ABCD3: variants seen among roughly 807,000 people sequenced by gnomAD.
The protein encoded by ABCD3 is ATP binding cassette subfamily D member 3.
A neutral mutation model predicts 105.5 loss-of-function variants in ABCD3; 41 were observed. The ratio of observed to expected loss-of-function variants is 0.39; its 90% CI spans 0.30 to 0.50. ABCD3 has a LOEUF of 0.50. ABCD3 is among the 20% of genes least tolerant of loss of function. The pLI is 0.84. For synonymous variants in ABCD3, 258 were observed against 269.0 expected (o/e 0.96, Z 0.40); for missense variants, 622 against 806.3 (o/e 0.77, Z 2.77).
intron 5 of ABCD3, among the ~76,000 whole-genome samples, chr1:94,474,777 G>A (rs547784237): frequency 6.6e-6 from 1 of 151,320 alleles, no homozygotes; most frequent in South Asian, 2.1e-4. Context: ...CCGTTGTCTA[G>A]GGTTGTAGTG....
At chr1:94,483,125 C>T in intron 9 of ABCD3, 45 bp from the exon 10 acceptor site, 2 of 1,229,352 alleles carry the variant, frequency 1.6e-6, no homozygotes, top group Non-Finnish European at 2.4e-6. Context: ...ATTTTCCAAG[C>T]ATAGGTAACA....
intron 20 of ABCD3, among the ~76,000 whole-genome samples, chr1:94,499,888 CTG>C (rs1251446004): frequency 6.6e-6 from 1 of 152,152 alleles, no homozygotes; most frequent in Non-Finnish European, 1.5e-5. Flanking sequence ...CAGAGAAACT[CTG>C]TAGCTCATTA....
chr1:94,512,501 A>G (rs1056461252), intron 21 of ABCD3, among the ~76,000 whole-genome samples: 6 of 152,030 alleles, frequency 3.9e-5, no homozygotes, highest in African/African-American at 1.4e-4. Context: ...AATCTATTTC[A>G]CTTTACCTCA....
intron 16 of ABCD3, among the ~76,000 whole-genome samples, chr1:94,492,582 C>T (rs978223047): frequency 6.6e-6 from 1 of 152,122 alleles, no homozygotes; most frequent in African/African-American, 2.4e-5. Context: ...TCTCACATAG[C>T]TCCAGGTACT....
At chr1:94,476,588 CAAAAG>C (rs958852900) in intron 7 of ABCD3, among the ~76,000 whole-genome samples, 15 of 151,982 alleles carry the variant, frequency 9.9e-5, no homozygotes, top group Non-Finnish European at 1.9e-4. Flanking sequence ...AGTTTTGAGA[CAAAAG>C]AAAACCAAAA....
In ABCD3 at chr1:94,517,436, G is replaced by A. The variant is rs942457121; in HGVS notation, c.*307G>A. On this transcript the variant is annotated 3_prime_UTR_variant, in exon 23 of 23. Transcript: ENST00000370214. The stretch of plus-strand genomic sequence containing the variant: ...ACTGTAACCTGATTCATCCTGGGAT[G>A]TAAACCATTCGAAGTCAGCTAATTG... 1 of 316,350 alleles carries A rather than the reference G, an allele frequency of 3.2e-6. No individual in the cohort carries two copies. The allele number at this position is 316,350 out of a possible 1,614,324, so 19.6% of individuals were successfully genotyped here. A position where few individuals can be genotyped will look rare whatever the true frequency, so the allele number is the denominator to read the frequency against.
chr1:94,425,303 C>T (rs1182492264), intron 1 of ABCD3, among the ~76,000 whole-genome samples: 6 of 152,064 alleles, frequency 3.9e-5, no homozygotes, highest in Non-Finnish European at 5.9e-5. Flanking sequence ...ACAGTTATAA[C>T]GTACATGTTT....
Position 94,467,948 on chromosome 1 carries a change from G to T in ABCD3, c.276G>T (p.Met92Ile), listed in dbSNP as rs905583862. The change falls in exon 4 of 23, where the codon ATG (methionine) becomes ATT (isoleucine). Residue 92 changes from methionine to isoleucine, a missense_variant. Met to Ile is a conservative substitution (Grantham distance 10). Transcript: ENST00000370214. ...GTTACTTGGTACTTATTGCTGTTATGCTGGTGTCTCGAACATATTGTGATG... is the reference window on the plus strand; with the variant it reads ...GTTACTTGGTACTTATTGCTGTTATTCTGGTGTCTCGAACATATTGTGATG... ...ETGYLVLIAV[M>I]LVSRTYCDVW... 6.2e-7 allele frequency: 1 copy of T among 1,613,258 alleles called. No individual in the cohort carries two copies. Among genetic ancestry groups the T allele is most frequent in the African/African-American group, 1.3e-5 (1 of 74,874 alleles).
At chr1:94,395,216 C>G in the ABCD3 span, among the ~76,000 whole-genome samples, 4 of 152,162 alleles carry the variant, frequency 2.6e-5, no homozygotes, top group African/African-American at 9.6e-5. Flanking sequence ...TAGAGCCATC[C>G]TACTCCCTTT....
At chr1:94,478,446 C>T in intron 8 of ABCD3, 131 bp downstream of exon 8, 1 of 1,205,254 alleles carries the variant, frequency 8.3e-7, no homozygotes, top group South Asian at 1.3e-5. Flanking sequence ...ATTTACCTAA[C>T]AAAGTCTGGT....
At chr1:94,390,853 GATTAT>G in the ABCD3 span, among the ~76,000 whole-genome samples, 3 of 152,148 alleles carry the variant, frequency 2.0e-5, no homozygotes. Context: ...CCCCTAAACC[GATTAT>G]GAGACATACT....
intron 20 of ABCD3, among the ~76,000 whole-genome samples, chr1:94,503,537 G>C (rs1221478191): frequency 6.6e-6 from 1 of 151,954 alleles, no homozygotes. Flanking sequence ...ACCTCTTCTA[G>C]TCCTTCTCTT....
At chr1:94,418,638 C>T in intron 1 of ABCD3, 50 bp downstream of exon 1, 2 of 1,530,688 alleles carry the variant, frequency 1.3e-6, no homozygotes, top group Non-Finnish European at 1.8e-6. Flanking sequence ...GCGGGCGCTC[C>T]CCGCGCGCTC....
At chr1:94,445,333 G>A (rs181075643) in intron 1 of ABCD3, among the ~76,000 whole-genome samples, 3 of 152,270 alleles carry the variant, frequency 2.0e-5, no homozygotes, top group East Asian at 3.9e-4. Context: ...AACCCAGGTT[G>A]AGGGGTCGCT....
intron 4 of ABCD3, among the ~76,000 whole-genome samples, chr1:94,473,138 C>T (rs970554496): frequency 1.6e-4 from 24 of 152,206 alleles, no homozygotes; most frequent in African/African-American, 5.3e-4. Flanking sequence ...ATGCGTTAGT[C>T]CCAGTATTGG....
rs370710075 is a variant in ABCD3, at chr1:94,458,641, G to C, written c.145G>C (p.Glu49Gln). ...KSGKPPLQNN[E>Q]KEGKKERAVV... is the part of the protein sequence containing the mutation. The stretch of plus-strand genomic sequence containing the variant: ...TGGAAAACCACCATTACAGAACAAT[G>C]AGGTAAAAGTTTAAATCATCTTCTT... The change falls in exon 2 of 23, where the codon GAG (glutamate) becomes CAG (glutamine). Residue 49 changes from glutamate (E) to glutamine (Q), a missense_variant and splice_region_variant. Around this residue, in one of 4 missense-constraint regions of ABCD3, gnomAD observed 89 missense variants for 77.5 expected, o/e 1.15. Coordinates refer to ENST00000370214, the MANE Select transcript of ABCD3 (RefSeq NM_002858.4). 2 of 1,611,444 alleles carry C rather than the reference G, an allele frequency of 1.2e-6. No individual in the cohort carries two copies. The highest frequency in any genetic ancestry group is 1.7e-6 in the Non-Finnish European group (2 of 1,178,224).
intron 1 of ABCD3, chr1:94,455,825 GTA>G: frequency 1.3e-5 from 17 of 1,278,664 alleles, no homozygotes; most frequent in Admixed American, 4.7e-5. Flanking sequence ...GTGTACATGT[GTA>G]TATATATATT....
intron 1 of ABCD3, among the ~76,000 whole-genome samples, chr1:94,435,216 C>T (rs557373438): frequency 3.3e-5 from 5 of 151,908 alleles, no homozygotes; most frequent in Admixed American, 1.3e-4. Context: ...TTTCCACTTC[C>T]TAGGAGTTAG....
At chr1:94,437,679 C>G (rs910437709) in intron 1 of ABCD3, among the ~76,000 whole-genome samples, 1 of 152,164 alleles carries the variant, frequency 6.6e-6, no homozygotes, top group African/African-American at 2.4e-5. Context: ...ACTTTCAAAG[C>G]CTATTATTTA....
Sources: allele counts gnomAD v4.1 joint callset (sites outside exome capture counted in the v4.1 genomes callset), GRCh38; gene constraint gnomAD v4.1.1; regional missense constraint gnomAD v4.1.1; transcripts MANE v1.5; gene names NCBI Gene and HGNC (gene_info 2026-07-23, HGNC 2026-07-21).